CBX1: variants seen among roughly 807,000 people sequenced by gnomAD.
The protein encoded by CBX1 is chromobox 1.
CBX1 carries 10 observed loss-of-function variants against 25.1 expected under a neutral mutation model. The ratio of observed to expected loss-of-function variants is 0.40; its 90% CI spans 0.25 to 0.68. CBX1 has a LOEUF of 0.68. Among genes scored for constraint, CBX1 ranks in the 30% least tolerant of loss-of-function variants. CBX1 has a pLI of 0.40. For synonymous variants in CBX1, 63 were observed against 79.4 expected (o/e 0.79, Z 1.10); for missense variants, 106 against 218.5 (o/e 0.49, Z 3.25).
At chr17:48,080,178 A>G (rs8081209) in intron 1 of CBX1, among the ~76,000 whole-genome samples, 34,285 of 151,934 alleles carry the variant, frequency 0.23, 4,161 homozygotes, top group South Asian at 0.33. Context: ...CTAGGACTAC[A>G]GGCACCTGCC....
intron 1 of CBX1, among the ~76,000 whole-genome samples, chr17:48,097,778 G>A (rs1382404731): frequency 6.6e-6 from 1 of 152,116 alleles, no homozygotes; most frequent in East Asian, 1.9e-4. Flanking sequence ...GTTATTCTAT[G>A]CAAATATTGA....
intron 1 of CBX1, among the ~76,000 whole-genome samples, chr17:48,083,379 G>GT (rs1258274528): frequency 6.6e-6 from 1 of 150,414 alleles, no homozygotes; most frequent in Non-Finnish European, 1.5e-5. Flanking sequence ...CCAGAATCCT[G>GT]TGACACAAAC....
chr17:48,078,199 GT>G (rs527319158), intron 1 of CBX1, among the ~76,000 whole-genome samples: 55 of 143,900 alleles, frequency 3.8e-4, no homozygotes, highest in Middle Eastern at 3.5e-3. Flanking sequence ...ATTTGAATTT[GT>G]TTTTTTTTTT....
At chr17:48,075,630 A>G (rs1465523886) in intron 3 of CBX1, among the ~76,000 whole-genome samples, 2 of 151,504 alleles carry the variant, frequency 1.3e-5, no homozygotes, top group African/African-American at 4.8e-5. Context: ...CATACAGCCC[A>G]AGCAAAATCA....
Position 48,086,173 on chromosome 17 carries a change from C to T in CBX1, c.-37-9132G>A, listed in dbSNP as rs1055942944. ...TGAATCAAGAGTAATTAATTCATAG[C>T]TCAATTTTAAGAGAAAGAGTACTGT... On this transcript the variant is annotated intron_variant, in intron 1 of 4. Coordinates refer to ENST00000225603, the MANE Select transcript of CBX1 (RefSeq NM_001127228.2). 2.6e-5 allele frequency among the ~76,000 whole-genome samples: 4 copies of T among 152,170 alleles called. No individual in the cohort carries two copies. The South Asian group carries it at 6.2e-4, about 24-fold the overall frequency.
chr17:48,077,307 G>A (rs9747001), intron 1 of CBX1, among the ~76,000 whole-genome samples: 40,894 of 150,686 alleles, frequency 0.27, 6,261 homozygotes, highest in African/African-American at 0.42. Context: ...CCAGGCTGGA[G>A]TGCAAAGTGG....
intron 1 of CBX1, among the ~76,000 whole-genome samples, chr17:48,089,019 T>C (rs938373720): frequency 6.6e-5 from 10 of 151,466 alleles, no homozygotes; most frequent in African/African-American, 2.4e-4. Context: ...TTGTTTATAG[T>C]ATCCCAAGGA....
chr17:48,091,104 G>A (rs1052195840), intron 1 of CBX1, among the ~76,000 whole-genome samples: 1 of 152,216 alleles, frequency 6.6e-6, no homozygotes, highest in Non-Finnish European at 1.5e-5. Context: ...GCACTCCAAG[G>A]TTAGGGAATA....
intron 1 of CBX1, among the ~76,000 whole-genome samples, chr17:48,096,748 A>G (rs1431015912): frequency 6.6e-6 from 1 of 152,074 alleles, no homozygotes; most frequent in Non-Finnish European, 1.5e-5. Flanking sequence ...ACTGCACTCC[A>G]GCCTGGGTGA....
intron 1 of CBX1, among the ~76,000 whole-genome samples, chr17:48,097,691 A>G (rs1256151877): frequency 6.6e-6 from 1 of 152,234 alleles, no homozygotes; most frequent in African/African-American, 2.4e-5. Context: ...TAAAAGGCAC[A>G]ATTTCACAGA....
intron 1 of CBX1, among the ~76,000 whole-genome samples, chr17:48,082,099 A>T (rs1301035335): frequency 6.6e-6 from 1 of 152,110 alleles, no homozygotes; most frequent in Non-Finnish European, 1.5e-5. Context: ...AAAAATAATC[A>T]GCTGGGTGTG....
chr17:48,096,902 G>A (rs117379104), intron 1 of CBX1, among the ~76,000 whole-genome samples: 2,829 of 152,212 alleles, frequency 0.019, 42 homozygotes, highest in Non-Finnish European at 0.03. Flanking sequence ...AAACTAGCCT[G>A]GGCAACATAG....
intron 3 of CBX1, 118 bp downstream of exon 3, chr17:48,075,883 A>T (rs777715590): frequency 1.6e-5 from 11 of 708,016 alleles, no homozygotes; most frequent in African/African-American, 3.6e-5. Context: ...GCATTAGCCT[A>T]CCTAAGATTT....
intron 4 of CBX1, among the ~76,000 whole-genome samples, chr17:48,072,440 T>C (rs886831805): frequency 1.4e-4 from 21 of 152,220 alleles, no homozygotes; most frequent in Non-Finnish European, 4.4e-5. Context: ...TTTGAAATGA[T>C]GTTTCAACAT....
intron 1 of CBX1, among the ~76,000 whole-genome samples, chr17:48,083,609 G>C (rs1307267349): frequency 6.7e-6 from 1 of 150,286 alleles, no homozygotes; most frequent in Non-Finnish European, 1.5e-5. Flanking sequence ...GATCACTTGA[G>C]GTCAGGAGTT....
intron 1 of CBX1, chr17:48,096,478 G>A (rs8065670): frequency 0.78 from 487,758 of 625,734 alleles, 191,357 homozygotes; most frequent in Admixed American, 0.82. Context: ...AAACGTATCA[G>A]AACACCACAG....
chr17:48,092,593 A>G (rs992005194), intron 1 of CBX1, among the ~76,000 whole-genome samples: 2 of 151,296 alleles, frequency 1.3e-5, no homozygotes, highest in Non-Finnish European at 2.9e-5. Flanking sequence ...AACTGGGATT[A>G]CAGGTGCCCG....
intron 3 of CBX1, 22 bp from the exon 4 acceptor site, chr17:48,075,122 A>C: frequency 6.5e-7 from 1 of 1,530,406 alleles, no homozygotes; most frequent in South Asian, 1.1e-5. Context: ...AGATGGGTAG[A>C]ACAATTTTAT....
At chr17:48,086,941 G>A (rs1357447129) in intron 1 of CBX1, among the ~76,000 whole-genome samples, 2 of 151,900 alleles carry the variant, frequency 1.3e-5, no homozygotes, top group African/African-American at 4.8e-5. Context: ...TGTAATTCCA[G>A]CACTTTGGGA....
Sources: gnomAD v4.1 joint callset for allele counts (sites outside exome capture counted in the v4.1 genomes callset) on GRCh38, gnomAD v4.1.1 for gene constraint, MANE v1.5 for transcripts, NCBI Gene and HGNC (gene_info 2026-07-23, HGNC 2026-07-21) for gene names.